Variants in AKAP13 observed in about 807,000 individuals in gnomAD.
AKAP13 encodes the protein A-kinase anchor protein 13.
In AKAP13, 80 loss-of-function variants were observed where a neutral mutation model predicts 264.5. That is an observed-to-expected ratio of 0.30 (90% CI 0.25 to 0.36). AKAP13 has a LOEUF of 0.36. AKAP13 is among the 10% of genes least tolerant of loss of function. AKAP13 has a pLI of 1.00. For missense variants in AKAP13, 3,712 were observed against 3,435.2 expected (o/e 1.08, Z -2.01); for synonymous variants, 1,380 against 1,250.2 (o/e 1.10, Z -2.19).
At chr15:85,410,744 A>G (rs928457730) in intron 1 of AKAP13, among the ~76,000 whole-genome samples, 3 of 151,024 alleles carry the variant, frequency 2.0e-5, no homozygotes, top group African/African-American at 7.4e-5. Context: ...CCTAACTCAA[A>G]TCCCTTTCCT....
rs1386885138 is a variant in AKAP13 at position 85,717,381 on chromosome 15, A to G, written c.5827A>G (p.Thr1943Ala). 2 of 1,612,612 alleles carry G rather than the reference A, an allele frequency of 1.2e-6. No homozygotes were observed. The highest frequency in any genetic ancestry group is 1.7e-6 in the Non-Finnish European group (2 of 1,178,986). Residue 1943 changes from threonine to alanine, a missense_variant, in exon 21 of 37, where the codon ACA becomes GCA. Coordinates refer to ENST00000394518, the MANE Select transcript of AKAP13 (RefSeq NM_007200.5). ...LNKISKVNES[T>A]ESLTDEGVGT... ...TAAAATCAGCAAGGTCAATGAGTCA[A>G]CAGAATCACTTACTGATGAGGGTAA... is the stretch of plus-strand genomic sequence containing the variant.
Position 85,677,125 on chromosome 15 carries a change from G to C in AKAP13, c.5102-5033G>C, listed in dbSNP as rs536539361. On this transcript the variant is annotated intron_variant, in intron 14 of 36. Coordinates refer to ENST00000394518, the MANE Select transcript of AKAP13 (RefSeq NM_007200.5). ...TAAGTAAGCAACTTTGGTGTCCAGTGACTGTTCTTGAAGGTCTGACCAGCT... is the reference window on the plus strand; with the variant it reads ...TAAGTAAGCAACTTTGGTGTCCAGTCACTGTTCTTGAAGGTCTGACCAGCT... 2.7e-5 allele frequency: 27 copies of C among 985,462 alleles called. No homozygotes were observed. The African/African-American group carries it at 4.2e-4, about 15-fold the overall frequency. The allele number at this position is 985,462 out of a possible 1,614,324, so 61.0% of individuals were successfully genotyped here.
At chr15:85,678,546 T>C (rs2084381754) in intron 14 of AKAP13, among the ~76,000 whole-genome samples, 1 of 152,176 alleles carries the variant, frequency 6.6e-6, no homozygotes, top group Non-Finnish European at 1.5e-5. Flanking sequence ...TTCAGAAATT[T>C]TCAAAGCTGT....
At position 85,442,121 on chromosome 15, in the gene AKAP13, AT is replaced by A. The variant is rs1285589024; in HGVS notation, c.-11-43588del. On this transcript the variant is annotated intron_variant, in intron 1 of 36. Coordinates refer to ENST00000394518, the MANE Select transcript of AKAP13 (RefSeq NM_007200.5). The stretch of plus-strand genomic sequence containing the variant: ...CTATTGGACAGAACATTTGTTAAAA[AT>A]ATTTTTAGGCTGGGCGCGGTGGCTC... Among the ~76,000 whole-genome samples, 7 of 152,144 alleles carry A rather than the reference AT, an allele frequency of 4.6e-5. No homozygotes were observed. In the East Asian group the frequency reaches 1.4e-3, roughly 29 times the overall value.
chr15:85,576,923 A>T (rs931228553), intron 6 of AKAP13, among the ~76,000 whole-genome samples: 6 of 152,216 alleles, frequency 3.9e-5, no homozygotes, highest in Admixed American at 6.5e-5. Context: ...CTGTGGGAAC[A>T]TACATGTGCT....
At position 85,581,151 on chromosome 15, in the gene AKAP13, C is replaced by T. The variant is rs2079136781; in HGVS notation, c.3083C>T (p.Ser1028Leu). 1.2e-6 allele frequency: 2 copies of T among 1,613,968 alleles called. No individual in the cohort carries two copies. The highest frequency in any genetic ancestry group is 8.5e-7 in the Non-Finnish European group (1 of 1,179,994). The change falls in exon 7 of 37, where the codon TCA becomes TTA. Residue 1028 changes from serine (S) to leucine (L), a missense_variant. Ser to Leu is a moderately radical substitution (Grantham distance 145). This residue lies in a region of AKAP13 where 2,759 missense variants were observed against 2,411.7 expected (regional missense o/e 1.14). Coordinates refer to ENST00000394518, the MANE Select transcript of AKAP13 (RefSeq NM_007200.5). ...CCAGGAGCAAGTCTGGCCACAGAGT[C>T]AAGGCAGGAAGCCTTGGGGGCAGAG... is the stretch of plus-strand genomic sequence containing the variant. ...VPPGASLATE[S>L]RQEALGAEHN...
intron 8 of AKAP13, among the ~76,000 whole-genome samples, chr15:85,586,928 A>C: frequency 1.3e-5 from 1 of 77,884 alleles, no homozygotes; most frequent in Non-Finnish European, 2.8e-5. Flanking sequence ...ACACCTTCTC[A>C]AAAAAAAAAA....
At position 85,584,084 on chromosome 15, in the gene AKAP13, C is replaced by G. The variant is rs1031993962; in HGVS notation, c.4040-1618C>G. 2.0e-5 allele frequency among the ~76,000 whole-genome samples: 3 copies of G among 152,290 alleles called. No homozygotes were observed. The South Asian group carries it at 6.2e-4, about 32-fold the overall frequency. On this transcript the variant is annotated intron_variant, in intron 7 of 36. Transcript: ENST00000394518. The stretch of plus-strand genomic sequence containing the variant: ...TGGTCACATTACTTTAGAGAAAAAG[C>G]ACCTGAGTGTGATCTCAGAGCCAAA...
intron 1 of AKAP13, among the ~76,000 whole-genome samples, chr15:85,473,244 C>CGCG (rs1274809150): frequency 6.6e-6 from 1 of 151,700 alleles, no homozygotes; most frequent in Non-Finnish European, 1.5e-5. Context: ...GTTAACTGGG[C>CGCG]GCGGGTGTGG....
chr15:85,459,646 A>C (rs1205439817), intron 1 of AKAP13, among the ~76,000 whole-genome samples: 1 of 150,866 alleles, frequency 6.6e-6, no homozygotes, highest in South Asian at 2.1e-4. Context: ...ATTGCAGGTG[A>C]CCGCCACAAC....
At chr15:85,704,497 A>G (rs899529049) in intron 17 of AKAP13, among the ~76,000 whole-genome samples, 1 of 152,220 alleles carries the variant, frequency 6.6e-6, no homozygotes, top group South Asian at 2.1e-4. Flanking sequence ...GATAGTTTCC[A>G]GTCATGTGGG....
intron 8 of AKAP13, among the ~76,000 whole-genome samples, chr15:85,635,505 T>C (rs2082033303): frequency 6.6e-6 from 1 of 152,114 alleles, no homozygotes; most frequent in African/African-American, 2.4e-5. Context: ...TTTCCTTCAG[T>C]TTTTAGTTTA....
intron 5 of AKAP13, among the ~76,000 whole-genome samples, chr15:85,574,875 A>G (rs1365217513): frequency 1.3e-5 from 2 of 152,192 alleles, no homozygotes; most frequent in East Asian, 1.9e-4. Flanking sequence ...GATCCCACAT[A>G]TCTCTTTATC....
intron 3 of AKAP13, among the ~76,000 whole-genome samples, chr15:85,524,732 C>T (rs12910647): frequency 0.14 from 21,328 of 151,930 alleles, 1,817 homozygotes; most frequent in South Asian, 0.34. Context: ...GTTTTGACTT[C>T]GGATATTGAA....
intron 17 of AKAP13, among the ~76,000 whole-genome samples, chr15:85,697,015 T>C (rs939825521): frequency 6.6e-6 from 1 of 152,192 alleles, no homozygotes; most frequent in South Asian, 2.1e-4. Context: ...CTGTATGTGC[T>C]AGAACTTCAG....
At chr15:85,543,024 C>A (rs927109703) in intron 4 of AKAP13, among the ~76,000 whole-genome samples, 1 of 152,200 alleles carries the variant, frequency 6.6e-6, no homozygotes, top group African/African-American at 2.4e-5. Context: ...ACTACAAGCC[C>A]TTCCTCATTC....
Position 85,429,631 on chromosome 15 carries a change from A to G in AKAP13, c.-12+48833A>G, listed in dbSNP as rs142611290. On this transcript the variant is annotated intron_variant, in intron 1 of 36. Coordinates refer to ENST00000394518, the MANE Select transcript of AKAP13 (RefSeq NM_007200.5). ...CACAAGGCCATAGTTCAACCAGCCAACCAACCAGCCAACCAAAAACCAAAC... is the reference window on the plus strand; with the variant it reads ...CACAAGGCCATAGTTCAACCAGCCAGCCAACCAGCCAACCAAAAACCAAAC... Among the ~76,000 whole-genome samples the G allele has an allele frequency of 1.1e-4, 16 of 152,130 alleles. 1 individual carries two copies. Among genetic ancestry groups the G allele is most frequent in the African/African-American group, 2.4e-4 (10 of 41,528 alleles).
chr15:85,528,851 C>T (rs1048762670), intron 3 of AKAP13, among the ~76,000 whole-genome samples: 2 of 152,126 alleles, frequency 1.3e-5, no homozygotes, highest in African/African-American at 4.8e-5. Context: ...TCTCTCTCTC[C>T]TTCCCCTCTC....
chr15:85,688,987 G>A (rs2085104769), intron 16 of AKAP13, among the ~76,000 whole-genome samples: 1 of 152,164 alleles, frequency 6.6e-6, no homozygotes, highest in South Asian at 2.1e-4. Flanking sequence ...AGGGAGTGTG[G>A]AATGACCCTC....
Sources: allele counts gnomAD v4.1 joint callset (sites outside exome capture counted in the v4.1 genomes callset), GRCh38; gene constraint gnomAD v4.1.1; regional missense constraint gnomAD v4.1.1; transcripts MANE v1.5; gene names NCBI Gene and HGNC (gene_info 2026-07-23, HGNC 2026-07-21).